The following PIGU variants were observed in gnomAD, a reference collection of about 807,000 sequenced individuals.
The protein encoded by PIGU is phosphatidylinositol glycan anchor biosynthesis class U.
Under a neutral mutation model 49.9 loss-of-function variants are expected in PIGU, and 24 were observed. The observed-to-expected ratio is 0.48, with a 90% confidence interval of 0.35 to 0.68. PIGU has a LOEUF of 0.68. Ranked by LOEUF, PIGU falls within the 30% of genes least tolerant of loss-of-function variation. The pLI, the probability that PIGU is intolerant of heterozygous loss-of-function variation, is 0.01. For missense variants in PIGU, 490 were observed against 532.6 expected (o/e 0.92, Z 0.79); for synonymous variants, 220 against 205.7 (o/e 1.07, Z -0.59).
At chr20:34,596,936 C>A (rs946818973) in intron 7 of PIGU, among the ~76,000 whole-genome samples, 3 of 152,050 alleles carry the variant, frequency 2.0e-5, no homozygotes, top group African/African-American at 7.2e-5. Context: ...AAAAGACAAG[C>A]AGAACTTCAC....
At chr20:34,674,202 A>C (rs1600679681) in intron 1 of PIGU, among the ~76,000 whole-genome samples, 1 of 152,004 alleles carries the variant, frequency 6.6e-6, no homozygotes. Flanking sequence ...TAAAAATACA[A>C]AAATTAGCTG....
At chr20:34,600,342 G>A (rs1411218836) in intron 7 of PIGU, among the ~76,000 whole-genome samples, 5 of 151,954 alleles carry the variant, frequency 3.3e-5, no homozygotes, top group Non-Finnish European at 7.4e-5. Flanking sequence ...GGGAGGCGGA[G>A]GTTGCAGTGA....
chr20:34,661,722 G>C (rs933667518), intron 1 of PIGU, among the ~76,000 whole-genome samples: 1 of 151,888 alleles, frequency 6.6e-6, no homozygotes. Context: ...ATTCCTTTAG[G>C]TATATACCTA....
intron 7 of PIGU, among the ~76,000 whole-genome samples, chr20:34,592,206 A>G (rs989866032): frequency 6.6e-6 from 1 of 151,814 alleles, no homozygotes; most frequent in Non-Finnish European, 1.5e-5. Flanking sequence ...AAAAAAAGAA[A>G]TATTAAAGAA....
At chr20:34,583,625 G>A (rs981442993) in intron 9 of PIGU, among the ~76,000 whole-genome samples, 5 of 152,222 alleles carry the variant, frequency 3.3e-5, no homozygotes, top group Admixed American at 6.5e-5. Flanking sequence ...CTGGCTGCAC[G>A]GCCAGTGCGG....
At chr20:34,585,408 A>C in intron 9 of PIGU, 29 bp downstream of exon 9, 1 of 1,612,036 alleles carries the variant, frequency 6.2e-7, no homozygotes. Context: ...AGCTCTGTAC[A>C]CACAGCAGCA....
intron 7 of PIGU, among the ~76,000 whole-genome samples, chr20:34,608,071 C>CTTT (rs10555161): frequency 4.0e-5 from 5 of 123,860 alleles, no homozygotes; most frequent in South Asian, 2.5e-4. Flanking sequence ...GGAGACATGA[C>CTTT]TTTTTTTTTT....
chr20:34,591,717 A>T (rs1983996811), intron 7 of PIGU, among the ~76,000 whole-genome samples: 1 of 152,246 alleles, frequency 6.6e-6, no homozygotes, highest in African/African-American at 2.4e-5. Flanking sequence ...AGTATACAAT[A>T]TATTATTAAC....
chr20:34,671,337 C>T (rs1363988499), intron 1 of PIGU, among the ~76,000 whole-genome samples: 5 of 152,034 alleles, frequency 3.3e-5, no homozygotes, highest in Non-Finnish European at 7.4e-5. Context: ...TCTCGGCTCA[C>T]CGCAACCTCT....
chr20:34,661,869 C>T (rs1187144643), intron 1 of PIGU, among the ~76,000 whole-genome samples: 1 of 152,074 alleles, frequency 6.6e-6, no homozygotes, highest in Non-Finnish European at 1.5e-5. Context: ...CACAACCTTG[C>T]CAGCATCTAT....
chr20:34,643,221 CTTGGAAACA>C (rs976250781), intron 4 of PIGU, among the ~76,000 whole-genome samples: 7 of 152,214 alleles, frequency 4.6e-5, no homozygotes, highest in South Asian at 2.1e-4. Context: ...GCTATGAACT[CTTGGAAACA>C]ATGATATACA....
At chr20:34,601,919 G>A (rs1240947328) in intron 7 of PIGU, among the ~76,000 whole-genome samples, 3 of 152,176 alleles carry the variant, frequency 2.0e-5, no homozygotes, top group Non-Finnish European at 2.9e-5. Flanking sequence ...AAATTTCCCA[G>A]TGAACAGGTG....
At position 34,575,114 on chromosome 20, in the gene PIGU, T is replaced by C; in HGVS notation, c.1184A>G (p.Asn395Ser). The change falls in exon 11 of 12, where the codon AAC becomes AGC. Residue 395 changes from asparagine to serine, a missense_variant. Physicochemically the swap from Asn to Ser is conservative, Grantham distance 46. Coordinates refer to ENST00000217446, the MANE Select transcript of PIGU (RefSeq NM_080476.5). ...NFFYAITLTF[N>S]VGQILLISDY... ...TGCTGTCCCTCTTACCTGCCCAACG[T>C]TGAAGGTCAGTGTGATGGCATAAAA... 2 of 1,614,052 alleles carry C rather than the reference T, an allele frequency of 1.2e-6. No homozygotes were observed. The highest frequency in any genetic ancestry group is 2.2e-5 in the East Asian group (1 of 44,884).
At chr20:34,659,510 G>C (rs1279049550) in intron 1 of PIGU, among the ~76,000 whole-genome samples, 2 of 152,188 alleles carry the variant, frequency 1.3e-5, no homozygotes, top group African/African-American at 4.8e-5. Flanking sequence ...ACTGGGAAGT[G>C]AGGAGCCCCT....
At chr20:34,589,337 T>A (rs1003581143) in intron 7 of PIGU, among the ~76,000 whole-genome samples, 1 of 152,174 alleles carries the variant, frequency 6.6e-6, no homozygotes, top group Non-Finnish European at 1.5e-5. Context: ...AAATTTGGGT[T>A]AAAAAAACTT....
At chr20:34,634,522 T>TA (rs140906518) in intron 6 of PIGU, 93 bp downstream of exon 6, 63,406 of 972,024 alleles carry the variant, frequency 0.065, 2 homozygotes, top group East Asian at 0.084. Context: ...AGTGTTGCAT[T>TA]AAAAAAAAAA....
chr20:34,668,827 A>C (rs1299574972), intron 1 of PIGU, among the ~76,000 whole-genome samples: 2 of 149,870 alleles, frequency 1.3e-5, no homozygotes, highest in African/African-American at 4.9e-5. Context: ...GGAATATTAG[A>C]TCATAGAACA....
rs938241354 is a variant in PIGU at position 34,645,328 on chromosome 20, A to G, written c.202T>C (p.Leu68=). Residue 68 remains leucine (L), a synonymous_variant, in exon 3 of 12, where the codon TTA becomes CTA. Coordinates refer to ENST00000217446, the MANE Select transcript of PIGU (RefSeq NM_080476.5). ...YSGAVFHETP[L]IIYLFHFLID... ...AGGAAATGAAAGAGGTATATTATTA[A>G]TGGAGTCTGCAGAAAAAAAACAGAC... is the stretch of plus-strand genomic sequence containing the variant. The G allele has an allele frequency of 2.5e-6, 4 of 1,569,858 alleles. No individual in the cohort carries two copies. In the African/African-American group the frequency reaches 5.6e-5, roughly 22 times the overall value.
chr20:34,653,605 G>C (rs1986611399), intron 2 of PIGU, among the ~76,000 whole-genome samples: 1 of 152,110 alleles, frequency 6.6e-6, no homozygotes, highest in Non-Finnish European at 1.5e-5. Context: ...CTAACACCTA[G>C]CAGAGTAGCT....
Sources: gnomAD v4.1 joint callset for allele counts (sites outside exome capture counted in the v4.1 genomes callset) on GRCh38, gnomAD v4.1.1 for gene constraint, MANE v1.5 for transcripts, NCBI Gene and HGNC (gene_info 2026-07-23, HGNC 2026-07-21) for gene names.